ARHGEF12: variants seen among roughly 807,000 people sequenced by gnomAD.
ARHGEF12 encodes Rho guanine nucleotide exchange factor 12.
A neutral mutation model predicts 211.2 loss-of-function variants in ARHGEF12; 66 were observed. The ratio of observed to expected loss-of-function variants is 0.31; its 90% CI spans 0.26 to 0.38. ARHGEF12 has a LOEUF of 0.38. Among genes scored for constraint, ARHGEF12 ranks in the 10% least tolerant of loss-of-function variants. The pLI, the probability that ARHGEF12 is intolerant of heterozygous loss-of-function variation, is 1.00. For missense variants in ARHGEF12, 1,429 were observed against 1,869.5 expected, an observed-to-expected ratio of 0.76 and a Z score of 4.34; for synonymous variants, 592 against 638.4, an observed-to-expected ratio of 0.93 and a Z score of 1.09.
intron 36 of ARHGEF12, among the ~76,000 whole-genome samples, chr11:120,477,808 G>A (rs1188284360): frequency 8.6e-5 from 13 of 150,538 alleles, no homozygotes; most frequent in African/African-American, 2.7e-4. Context: ...CGGAGGTTAC[G>A]GTGAGCCGAG....
rs1947180878 is a variant in ARHGEF12, at chr11:120,480,023, A to G, written c.3830A>G (p.Asp1277Gly). The G allele has an allele frequency of 6.2e-7, 1 of 1,614,002 alleles. No homozygotes were observed. Among genetic ancestry groups the G allele is most frequent in the African/African-American group, 1.3e-5 (1 of 74,922 alleles). The change falls in exon 38 of 41, where the codon GAC becomes GGC. Residue 1277 changes from aspartate to glycine, a missense_variant. Physicochemically the swap from Asp to Gly is moderately conservative, Grantham distance 94. This residue lies in a region of ARHGEF12 where 467 missense variants were observed against 468.4 expected (regional missense o/e 1.00). Transcript: ENST00000397843. ...LGLTEKSVQE[D>G]WQHFPRYRTA... ...TTGACTGAGAAGAGCGTTCAGGAAG[A>G]CTGGCAACATTTCCCAAGATACAGA...
At chr11:120,386,761 T>C (rs75817493) in intron 1 of ARHGEF12, among the ~76,000 whole-genome samples, 75 of 152,264 alleles carry the variant, frequency 4.9e-4, no homozygotes, top group African/African-American at 1.8e-3. Context: ...CACGAAATTA[T>C]TGTCATTCTT....
chr11:120,454,679 G>C (rs1946313055), intron 22 of ARHGEF12, among the ~76,000 whole-genome samples: 1 of 152,184 alleles, frequency 6.6e-6, no homozygotes, highest in Non-Finnish European at 1.5e-5. Context: ...AACTGGGGCT[G>C]GGGAACCCAT....
intron 27 of ARHGEF12, among the ~76,000 whole-genome samples, chr11:120,461,634 A>C (rs1157579026): frequency 4.6e-5 from 7 of 152,190 alleles, no homozygotes; most frequent in Non-Finnish European, 1.0e-4. Flanking sequence ...CTCTCTAGCT[A>C]TGAAAGTTCT....
chr11:120,344,325 A>G (rs1253189765), intron 1 of ARHGEF12, among the ~76,000 whole-genome samples: 1 of 151,094 alleles, frequency 6.6e-6, no homozygotes, highest in African/African-American at 2.4e-5. Flanking sequence ...TGAAGGAATG[A>G]TACCTGAAAT....
At chr11:120,457,595 T>A in intron 23 of ARHGEF12, 126 bp from the exon 24 acceptor site, 1 of 619,228 alleles carries the variant, frequency 1.6e-6, no homozygotes, top group Non-Finnish European at 2.5e-6. Context: ...TATATTAAAT[T>A]ATTACAATAT....
chr11:120,339,162 G>A (rs957321110), intron 1 of ARHGEF12, among the ~76,000 whole-genome samples: 4 of 151,434 alleles, frequency 2.6e-5, no homozygotes, highest in African/African-American at 9.7e-5. Context: ...TTAAAGAAAA[G>A]ACCTTGGAAA....
intron 1 of ARHGEF12, among the ~76,000 whole-genome samples, chr11:120,362,183 G>A (rs1943296419): frequency 6.6e-6 from 1 of 152,092 alleles, no homozygotes; most frequent in Admixed American, 6.6e-5. Flanking sequence ...AAAGATGGAT[G>A]GTCATTTAGA....
chr11:120,455,436 CT>C, intron 22 of ARHGEF12, among the ~76,000 whole-genome samples: 1 of 152,324 alleles, frequency 6.6e-6, no homozygotes, highest in East Asian at 1.9e-4. Context: ...ATGCCTTCAA[CT>C]TTCTGAAGGA....
intron 1 of ARHGEF12, among the ~76,000 whole-genome samples, chr11:120,370,496 G>T (rs1943559303): frequency 6.6e-6 from 1 of 151,868 alleles, no homozygotes; most frequent in Non-Finnish European, 1.5e-5. Flanking sequence ...AGCTTGTCAG[G>T]TTCCCTTAAA....
chr11:120,477,121 G>T (rs750906664), intron 34 of ARHGEF12, 98 bp from the exon 35 acceptor site: 3 of 780,588 alleles, frequency 3.8e-6, no homozygotes, highest in African/African-American at 1.8e-5. Flanking sequence ...GTTGTTGTTG[G>T]TTGATTTGGT....
intron 1 of ARHGEF12, among the ~76,000 whole-genome samples, chr11:120,350,956 T>C (rs568176076): frequency 2.0e-5 from 3 of 152,188 alleles, no homozygotes; most frequent in Non-Finnish European, 4.4e-5. Flanking sequence ...GTAGTTTGAT[T>C]AGTAAGACAG....
chr11:120,460,484 T>C (rs889417926), intron 26 of ARHGEF12, among the ~76,000 whole-genome samples, 188 bp from the exon 27 acceptor site: 1 of 152,200 alleles, frequency 6.6e-6, no homozygotes, highest in African/African-American at 2.4e-5. Flanking sequence ...GCACCTGTTT[T>C]TCAGATAGAG....
chr11:120,455,171 A>T (rs1946327219), intron 22 of ARHGEF12, among the ~76,000 whole-genome samples: 1 of 152,238 alleles, frequency 6.6e-6, no homozygotes, highest in Non-Finnish European at 1.5e-5. Flanking sequence ...TTTCACAAAA[A>T]GTCAGCTGAG....
chr11:120,486,467 A>C lies in ARHGEF12; in HGVS notation c.*1390A>C, dbSNP rs1039242859. 1.3e-5 allele frequency: 3 copies of C among 231,174 alleles called. No homozygotes were observed. In the East Asian group the frequency reaches 1.8e-4, roughly 14 times the overall value. The allele number at this position is 231,174 out of a possible 1,614,324, so 14.3% of individuals were successfully genotyped here. ...CTGCTCTAGGATGAATAGTAGCGTT[A>C]GCAGCACCCTACAGAGGGTAAGTTT... On this transcript the variant is annotated 3_prime_UTR_variant, in exon 41 of 41. Transcript: ENST00000397843.
chr11:120,370,007 G>T (rs1409790888), intron 1 of ARHGEF12, among the ~76,000 whole-genome samples: 4 of 151,990 alleles, frequency 2.6e-5, no homozygotes, highest in Non-Finnish European at 5.9e-5. Context: ...TTGGCTATAT[G>T]TTATGTATCT....
intron 1 of ARHGEF12, among the ~76,000 whole-genome samples, chr11:120,395,128 T>C (rs977849631): frequency 2.0e-5 from 3 of 150,890 alleles, no homozygotes; most frequent in African/African-American, 7.3e-5. Flanking sequence ...TTTAACAATT[T>C]AGATGGAATG....
At chr11:120,391,430 T>G (rs1944213885) in intron 1 of ARHGEF12, among the ~76,000 whole-genome samples, 1 of 152,230 alleles carries the variant, frequency 6.6e-6, no homozygotes, top group Admixed American at 6.5e-5. Context: ...ATTAAATAGC[T>G]CTATCTAGCA....
chr11:120,480,485 C>T lies in ARHGEF12; in HGVS notation c.4237+55C>T. On this transcript the variant is annotated intron_variant, in intron 38 of 40. Coordinates refer to ENST00000397843, the MANE Select transcript of ARHGEF12 (RefSeq NM_015313.3). ...TTTGATTTTGATCATTGTTAACTGT[C>T]CTGTATTTTGAAATGGATGTTGTAT... 2.0e-6 allele frequency: 3 copies of T among 1,509,048 alleles called. No homozygotes were observed. The South Asian group carries it at 3.9e-5, about 20-fold the overall frequency. 93.5% of individuals were successfully genotyped at this position (1,509,048 alleles called of 1,614,324 possible).
Sources: gnomAD v4.1 joint callset for allele counts (sites outside exome capture counted in the v4.1 genomes callset) on GRCh38, gnomAD v4.1.1 for gene constraint, gnomAD v4.1.1 regional missense constraint, MANE v1.5 for transcripts, NCBI Gene and HGNC (gene_info 2026-07-23, HGNC 2026-07-21) for gene names.